Variants in KCNQ5 observed in about 807,000 individuals in gnomAD.
KCNQ5 encodes the protein potassium voltage-gated channel subfamily KQT member 5.
In KCNQ5, 30 loss-of-function variants were observed where a neutral mutation model predicts 98.2. The observed-to-expected ratio is 0.31, with a 90% confidence interval of 0.23 to 0.41. The LOEUF (loss-of-function observed/expected upper bound fraction) is 0.41, where lower values mean the gene tolerates loss of function less well. Among genes scored for constraint, KCNQ5 ranks in the 10% least tolerant of loss-of-function variants. The probability of loss-of-function intolerance (pLI) is 1.00; values close to 1 mark genes in which losing one functional copy is unlikely to be tolerated. For missense variants in KCNQ5, 835 were observed against 1,182.5 expected (o/e 0.71, Z 4.31); for synonymous variants, 458 against 449.4 (o/e 1.02, Z -0.24).
chr6:73,173,686 A>T (rs1023372322), intron 11 of KCNQ5, among the ~76,000 whole-genome samples: 2 of 152,064 alleles, frequency 1.3e-5, no homozygotes, highest in Non-Finnish European at 2.9e-5. Flanking sequence ...ATGGTGGCTT[A>T]TACCTGTAAA....
At chr6:72,839,919 G>C (rs1776711288) in intron 1 of KCNQ5, among the ~76,000 whole-genome samples, 1 of 152,100 alleles carries the variant, frequency 6.6e-6, no homozygotes, top group African/African-American at 2.4e-5. Flanking sequence ...TGCATGGGTG[G>C]TTCGGTGGTA....
chr6:72,916,635 C>T (rs1329477469), intron 1 of KCNQ5, among the ~76,000 whole-genome samples: 1 of 152,196 alleles, frequency 6.6e-6, no homozygotes, highest in Non-Finnish European at 1.5e-5. Context: ...AAAGGGAGAA[C>T]ATTTTTCCTA....
At chr6:72,907,761 T>C (rs1215663922) in intron 1 of KCNQ5, among the ~76,000 whole-genome samples, 1 of 152,090 alleles carries the variant, frequency 6.6e-6, no homozygotes, top group Non-Finnish European at 1.5e-5. Context: ...TTCTGACCAA[T>C]CTTCATCGGC....
intron 1 of KCNQ5, among the ~76,000 whole-genome samples, chr6:72,887,605 G>A (rs898920530): frequency 2.6e-5 from 4 of 152,136 alleles, no homozygotes; most frequent in African/African-American, 9.7e-5. Context: ...TAAAAAGCAA[G>A]ACAACAGCAT....
Position 72,866,810 on chromosome 6 carries a change from C to T in KCNQ5, c.399-137098C>T, listed in dbSNP as rs1778006060. On this transcript the variant is annotated intron_variant, in intron 1 of 13. Transcript: ENST00000370398. ...CATATTGCCTAAGGACCTTGAACCT[C>T]ATAACCTCCGTCATTAACATTCTCA... is the stretch of plus-strand genomic sequence containing the variant. Among the ~76,000 whole-genome samples, 4 of 152,234 alleles carry T rather than the reference C, an allele frequency of 2.6e-5. No individual in the cohort carries two copies. The South Asian group carries it at 6.2e-4, about 24-fold the overall frequency.
Position 73,133,451 on chromosome 6 carries a change from C to T in KCNQ5, c.1278C>T (p.Arg426=), listed in dbSNP as rs1255445082. The change falls in exon 10 of 14, where the codon CGC becomes CGT. Residue 426 remains arginine, a synonymous_variant. Coordinates refer to ENST00000370398, the MANE Select transcript of KCNQ5 (RefSeq NM_019842.4). ...SQKLSFKERV[R]MASPRGQSIK... is the part of the protein sequence containing the mutation. ...AGCTAAGTTTTAAGGAGCGAGTGCG[C>T]ATGGCTAGCCCCAGGGGCCAGAGTA... is the stretch of plus-strand genomic sequence containing the variant. 1.2e-6 allele frequency: 2 copies of T among 1,614,030 alleles called. No individual in the cohort carries two copies. The highest frequency in any genetic ancestry group is 1.7e-6 in the Non-Finnish European group (2 of 1,180,050).
intron 2 of KCNQ5, among the ~76,000 whole-genome samples, chr6:73,021,552 T>A (rs1434934460): frequency 6.6e-6 from 1 of 152,214 alleles, no homozygotes; most frequent in Non-Finnish European, 1.5e-5. Flanking sequence ...CCTTATTGTT[T>A]TGTTCATCAC....
chr6:72,949,587 T>C (rs1766706209), intron 1 of KCNQ5, among the ~76,000 whole-genome samples: 1 of 152,226 alleles, frequency 6.6e-6, no homozygotes, highest in South Asian at 2.1e-4. Flanking sequence ...GAGTATAGCT[T>C]TAAACATTTT....
chr6:73,015,541 A>G (rs928982391), intron 2 of KCNQ5, among the ~76,000 whole-genome samples: 8 of 152,136 alleles, frequency 5.3e-5, no homozygotes, highest in African/African-American at 1.9e-4. Flanking sequence ...TTATGCAAAC[A>G]TTGATGTCTA....
intron 1 of KCNQ5, among the ~76,000 whole-genome samples, chr6:72,770,463 G>A (rs1772806094): frequency 6.6e-6 from 1 of 152,064 alleles, no homozygotes; most frequent in Non-Finnish European, 1.5e-5. Flanking sequence ...TATAATCTTT[G>A]AAAGATATAA....
At chr6:72,941,095 A>C (rs922090806) in intron 1 of KCNQ5, among the ~76,000 whole-genome samples, 1 of 152,230 alleles carries the variant, frequency 6.6e-6, no homozygotes, top group African/African-American at 2.4e-5. Flanking sequence ...ATGTTTATAA[A>C]GTACCTAGAC....
At chr6:73,034,839 C>CTTT (rs71669816) in intron 2 of KCNQ5, among the ~76,000 whole-genome samples, 12 of 113,532 alleles carry the variant, frequency 1.1e-4, no homozygotes, top group African/African-American at 3.7e-4. Flanking sequence ...TGCCTCTTTT[C>CTTT]TTTTTTTTTT....
intron 1 of KCNQ5, among the ~76,000 whole-genome samples, chr6:72,695,135 T>C (rs1768418002): frequency 1.3e-5 from 2 of 152,208 alleles, no homozygotes; most frequent in African/African-American, 4.8e-5. Context: ...CTAGGTCAAT[T>C]CTATGTCTTT....
intron 1 of KCNQ5, among the ~76,000 whole-genome samples, chr6:72,897,036 T>G (rs770411309): frequency 6.6e-6 from 1 of 151,998 alleles, no homozygotes; most frequent in Non-Finnish European, 1.5e-5. Context: ...AGGAGGTCAT[T>G]CCGAGCAACA....
At chr6:72,745,329 TA>T (rs1272313876) in intron 1 of KCNQ5, among the ~76,000 whole-genome samples, 44 of 152,244 alleles carry the variant, frequency 2.9e-4, no homozygotes, top group African/African-American at 9.9e-4. Context: ...TCGCCAGGTT[TA>T]GCTCTTTAAT....
In KCNQ5 at chr6:73,097,239, CCAG is replaced by C. The variant is rs571022419; in HGVS notation, c.919-8016_919-8014del. Among the ~76,000 whole-genome samples, 459 of 150,220 alleles carry C rather than the reference CCAG, an allele frequency of 3.1e-3. 1 individual carries two copies. The highest frequency in any genetic ancestry group is 5.0e-3 in the Non-Finnish European group (338 of 67,582). ...CATCATCTCCCCATTCCCCCAACCC[CCAG>C]CCTCTGGTAACCAGCATACTACTCT... is the stretch of plus-strand genomic sequence containing the variant. On this transcript the variant is annotated intron_variant, in intron 5 of 13. Transcript: ENST00000370398.
In KCNQ5 at chr6:72,889,498, G is replaced by C. The variant is rs557355436; in HGVS notation, c.399-114410G>C. On this transcript the variant is annotated intron_variant, in intron 1 of 13. Coordinates refer to ENST00000370398, the MANE Select transcript of KCNQ5 (RefSeq NM_019842.4). ...TTTCTTGCCATCTCTGATTATTGAA[G>C]GTATAAAATGAAGCAGTACCACCAA... is the stretch of plus-strand genomic sequence containing the variant. Among the ~76,000 whole-genome samples the C allele has an allele frequency of 7.9e-5, 12 of 152,196 alleles. No homozygotes were observed. The East Asian group carries it at 2.1e-3, about 27-fold the overall frequency.
At chr6:73,158,260 T>TTGTTGTTG (rs1562211981) in intron 10 of KCNQ5, 4 of 168,174 alleles carry the variant, frequency 2.4e-5, no homozygotes, top group South Asian at 1.4e-4. Flanking sequence ...GAAGATTTTT[T>TTGTTGTTG]TTTTTTTTTT....
intron 8 of KCNQ5, among the ~76,000 whole-genome samples, chr6:73,121,987 T>G (rs553835231): frequency 5.9e-5 from 9 of 152,334 alleles, no homozygotes; most frequent in African/African-American, 2.2e-4. Context: ...TTAGCATGGA[T>G]AGAAGCATGG....
Sources: gnomAD v4.1 joint callset for allele counts (sites outside exome capture counted in the v4.1 genomes callset) on GRCh38, gnomAD v4.1.1 for gene constraint, MANE v1.5 for transcripts, NCBI Gene and HGNC (gene_info 2026-07-23, HGNC 2026-07-21) for gene names.